Variants in EPHX4 observed in about 807,000 individuals in gnomAD.
EPHX4 encodes the protein abhydrolase domain containing 7.
A neutral mutation model predicts 44.9 loss-of-function variants in EPHX4; 31 were observed. The observed-to-expected ratio is 0.69, with a 90% CI of 0.52 to 0.93. The LOEUF (loss-of-function observed/expected upper bound fraction) is 0.93. EPHX4 is among the 40% of genes least tolerant of loss of function. EPHX4 has a pLI of 0.00. For synonymous variants in EPHX4, 151 were observed against 159.7 expected (o/e 0.95, Z 0.41); for missense variants, 373 against 438.1 (o/e 0.85, Z 1.33).
intron 2 of EPHX4, among the ~76,000 whole-genome samples, chr1:92,042,588 G>T (rs977233732): frequency 3.3e-5 from 5 of 151,926 alleles, no homozygotes; most frequent in African/African-American, 9.7e-5. Context: ...AGCTGGGTGT[G>T]ATGGTGTGCA....
rs200101312 is a variant in EPHX4 at position 92,032,462 on chromosome 1, A to G, written c.232-43A>G. On this transcript the variant is annotated intron_variant, in intron 1 of 6. Transcript: ENST00000370383. ...AAATGCTAAATATATTGCTTTGTCA[A>G]TCAACACAAACATCACTAAAATTCC... 15 of 1,439,290 alleles carry G rather than the reference A, an allele frequency of 1.0e-5. No individual in the cohort carries two copies. The African/African-American group carries it at 1.7e-4, about 16-fold the overall frequency. 89.2% of individuals were successfully genotyped at this position (1,439,290 alleles called of 1,614,324 possible).
intron 2 of EPHX4, among the ~76,000 whole-genome samples, chr1:92,041,580 G>T (rs538729845): frequency 1.3e-5 from 2 of 152,262 alleles, no homozygotes; most frequent in East Asian, 3.9e-4. Context: ...TCCTGGGCCA[G>T]ATAAGCATTC....
chr1:92,044,142 A>T (rs1457219118), intron 3 of EPHX4, among the ~76,000 whole-genome samples: 1 of 152,210 alleles, frequency 6.6e-6, no homozygotes, highest in African/African-American at 2.4e-5. Flanking sequence ...GAGAAATACC[A>T]TGAAATCAAA....
At chr1:92,045,448 C>A in intron 3 of EPHX4, 84 bp from the exon 4 acceptor site, 2 of 1,506,182 alleles carry the variant, frequency 1.3e-6, no homozygotes, top group Non-Finnish European at 9.1e-7. Flanking sequence ...AGAGGTACTT[C>A]AGAAGTATAA....
At chr1:92,047,960 G>A (rs573757315) in intron 4 of EPHX4, among the ~76,000 whole-genome samples, 5 of 152,082 alleles carry the variant, frequency 3.3e-5, no homozygotes, top group East Asian at 1.9e-4. Context: ...AACCATGGCC[G>A]GGCACATTTT....
chr1:92,051,237 G>T (rs576854714), intron 5 of EPHX4, among the ~76,000 whole-genome samples: 2 of 149,856 alleles, frequency 1.3e-5, no homozygotes, highest in Non-Finnish European at 3.0e-5. Flanking sequence ...ACTGTGATGG[G>T]ATAAGAACTT....
chr1:92,050,620 T>C (rs942214319), intron 5 of EPHX4, among the ~76,000 whole-genome samples, 200 bp downstream of exon 5: 1 of 152,212 alleles, frequency 6.6e-6, no homozygotes, highest in Non-Finnish European at 1.5e-5. Flanking sequence ...TTCAAATTTT[T>C]GTAAGACTGT....
chr1:92,050,730 T>TA (rs879862541), intron 5 of EPHX4, among the ~76,000 whole-genome samples: 49 of 145,058 alleles, frequency 3.4e-4, no homozygotes, highest in East Asian at 2.0e-3. Context: ...ACTTCGGGGT[T>TA]AAAAAAAAAA....
intron 6 of EPHX4, among the ~76,000 whole-genome samples, chr1:92,053,751 A>G (rs1647303993): frequency 6.6e-6 from 1 of 152,182 alleles, no homozygotes; most frequent in Non-Finnish European, 1.5e-5. Flanking sequence ...ATGGATAAGC[A>G]TGCCATTTAC....
At chr1:92,042,578 AGCTGGGTGT>A (rs1688523087) in intron 2 of EPHX4, among the ~76,000 whole-genome samples, 1 of 151,910 alleles carries the variant, frequency 6.6e-6, no homozygotes, top group Admixed American at 6.5e-5. Flanking sequence ...TTTTTTAATT[AGCTGGGTGT>A]GATGGTGTGC....
chr1:92,051,930 GA>G (rs1647268297), intron 5 of EPHX4, among the ~76,000 whole-genome samples: 1 of 152,072 alleles, frequency 6.6e-6, no homozygotes, highest in Non-Finnish European at 1.5e-5. Flanking sequence ...TATTTATTCT[GA>G]AATATAGTTC....
chr1:92,040,137 C>G (rs1456352802), intron 2 of EPHX4, among the ~76,000 whole-genome samples: 38 of 150,484 alleles, frequency 2.5e-4, no homozygotes, highest in Admixed American at 2.5e-3. Context: ...GTGTCTGACA[C>G]TCTTCCTGAT....
intron 4 of EPHX4, among the ~76,000 whole-genome samples, chr1:92,046,546 C>G (rs1431500861): frequency 6.6e-6 from 1 of 152,196 alleles, no homozygotes; most frequent in Non-Finnish European, 1.5e-5. Context: ...TCACTGCAAC[C>G]TCCACCTCCT....
At chr1:92,032,439 A>T in intron 1 of EPHX4, 66 bp from the exon 2 acceptor site, 1 of 1,197,194 alleles carries the variant, frequency 8.4e-7, no homozygotes, top group African/African-American at 1.5e-5. Context: ...TGAAATGGAA[A>T]TGCTAAATAT....
chr1:92,057,138 A>G (rs578206347), intron 6 of EPHX4, among the ~76,000 whole-genome samples: 74 of 152,236 alleles, frequency 4.9e-4, no homozygotes, highest in African/African-American at 1.8e-3. Context: ...TAGAAAAAGA[A>G]CATGTAAACA....
chr1:92,037,169 T>TTGTA (rs1221273168), intron 2 of EPHX4, among the ~76,000 whole-genome samples: 3 of 152,148 alleles, frequency 2.0e-5, no homozygotes, highest in Non-Finnish European at 4.4e-5. Context: ...GTATGCTTGA[T>TTGTA]TGTAGATTAA....
At chr1:92,043,200 T>C (rs1240289756) in intron 3 of EPHX4, 3 of 393,108 alleles carry the variant, frequency 7.6e-6, no homozygotes, top group Non-Finnish European at 1.4e-5. Context: ...GAATGACTTT[T>C]CAGATTTGTT....
At chr1:92,049,728 T>C (rs1164310940) in intron 4 of EPHX4, among the ~76,000 whole-genome samples, 1 of 152,196 alleles carries the variant, frequency 6.6e-6, no homozygotes, top group Non-Finnish European at 1.5e-5. Context: ...GATAATGACC[T>C]TGGAGGAAAA....
rs533575078 is a variant in EPHX4 at position 92,037,377 on chromosome 1, G to A, written c.317+4787G>A. On this transcript the variant is annotated intron_variant, in intron 2 of 6. Transcript: ENST00000370383. ...TGTTACACAGCAACAATAAAATCCC[G>A]GGTCTTCTTAAAATCTAAAGGAAAT... Among the ~76,000 whole-genome samples, 49 of 152,156 alleles carry A rather than the reference G, an allele frequency of 3.2e-4. No individual in the cohort carries two copies. In the South Asian group the frequency reaches 8.5e-3, roughly 26 times the overall value.
Sources: gnomAD v4.1 joint callset for allele counts (sites outside exome capture counted in the v4.1 genomes callset) on GRCh38, gnomAD v4.1.1 for gene constraint, MANE v1.5 for transcripts, NCBI Gene and HGNC (gene_info 2026-07-23, HGNC 2026-07-21) for gene names.